Variants in ATF2 observed in about 807,000 individuals in gnomAD.
ATF2 encodes activating transcription factor 2.
ATF2 carries 24 observed loss-of-function variants against 60.6 expected under a neutral mutation model. The observed-to-expected ratio is 0.40, with a 90% CI of 0.29 to 0.56. ATF2 has a LOEUF of 0.56. Ranked by LOEUF, ATF2 falls within the 20% of genes least tolerant of loss-of-function variation. The probability of loss-of-function intolerance (pLI) is 0.54; values close to 1 mark genes in which losing one functional copy is unlikely to be tolerated. For synonymous variants in ATF2, 206 were observed against 215.4 expected, an observed-to-expected ratio of 0.96 and a Z score of 0.38; for missense variants, 433 against 607.7, an observed-to-expected ratio of 0.71 and a Z score of 3.02.
intron 1 of ATF2, among the ~76,000 whole-genome samples, chr2:175,152,947 T>C (rs1445384870): frequency 1.3e-5 from 2 of 152,220 alleles, no homozygotes; most frequent in Admixed American, 6.5e-5. Context: ...TGTTTATTTT[T>C]AAAGTATGGC....
intron 2 of ATF2, among the ~76,000 whole-genome samples, chr2:175,149,828 C>T (rs1392898710): frequency 6.6e-6 from 1 of 152,134 alleles, no homozygotes; most frequent in African/African-American, 2.4e-5. Flanking sequence ...TCATCCATTT[C>T]CCATTCATCC....
At chr2:175,116,444 C>CT (rs1383075081) in intron 7 of ATF2, among the ~76,000 whole-genome samples, 1 of 151,992 alleles carries the variant, frequency 6.6e-6, no homozygotes, top group Admixed American at 6.6e-5. Context: ...ATCAAGGACT[C>CT]TGATTTTGAC....
intron 4 of ATF2, among the ~76,000 whole-genome samples, chr2:175,129,002 C>T (rs1382105487): frequency 1.3e-5 from 2 of 152,062 alleles, no homozygotes; most frequent in African/African-American, 2.4e-5. Context: ...CCCATGTATT[C>T]CTCCAAGAGA....
Position 175,074,477 on chromosome 2 carries a change from G to A in ATF2, c.*132C>T. On this transcript the variant is annotated 3_prime_UTR_variant, in exon 14 of 14. Coordinates refer to ENST00000264110, the MANE Select transcript of ATF2 (RefSeq NM_001880.4). ...CAACTGCTGCTACACCAACTTTAGA[G>A]CCAAATTTAATTTCAAGTAAAAAAA... 1 of 1,190,906 alleles carries A rather than the reference G, an allele frequency of 8.4e-7. No homozygotes were observed. The highest frequency in any genetic ancestry group is 1.1e-6 in the Non-Finnish European group (1 of 872,846). The allele number at this position is 1,190,906 out of a possible 1,614,324, so 73.8% of individuals were successfully genotyped here.
chr2:175,164,996 G>A (rs1388952914), intron 1 of ATF2, among the ~76,000 whole-genome samples: 2 of 152,012 alleles, frequency 1.3e-5, no homozygotes, highest in East Asian at 1.9e-4. Context: ...AGCTGGGATT[G>A]CAGGCGCCTA....
At chr2:175,141,482 C>T (rs939251472) in intron 2 of ATF2, among the ~76,000 whole-genome samples, 4 of 151,998 alleles carry the variant, frequency 2.6e-5, no homozygotes, top group African/African-American at 4.8e-5. Flanking sequence ...AAACTATAAA[C>T]ATATTTTTCT....
At chr2:175,154,967 T>C (rs1699576842) in intron 1 of ATF2, among the ~76,000 whole-genome samples, 1 of 152,054 alleles carries the variant, frequency 6.6e-6, no homozygotes, top group South Asian at 2.1e-4. Flanking sequence ...CAATCCTGGG[T>C]GGTGGAGAGA....
chr2:175,142,238 G>C (rs1357775507), intron 2 of ATF2, among the ~76,000 whole-genome samples: 2 of 149,020 alleles, frequency 1.3e-5, no homozygotes, highest in African/African-American at 5.0e-5. Flanking sequence ...CCAGGCTGGA[G>C]TGCAATGTTG....
chr2:175,117,290 T>C (rs1325367819), intron 7 of ATF2, among the ~76,000 whole-genome samples: 8 of 152,062 alleles, frequency 5.3e-5, no homozygotes. Flanking sequence ...TTTTTCTGTA[T>C]TTCCTTATTT....
At chr2:175,150,461 A>AT (rs555874775) in intron 2 of ATF2, among the ~76,000 whole-genome samples, 75 of 151,778 alleles carry the variant, frequency 4.9e-4, no homozygotes, top group Admixed American at 2.7e-3. Context: ...AGAAAAAAAA[A>AT]TTTTTTTTTA....
rs761194042 is a variant in ATF2, at chr2:175,074,773, T to C, written c.1354A>G (p.Ile452Val). The C allele has an allele frequency of 1.2e-6, 2 of 1,613,588 alleles. No individual in the cohort carries two copies. Among genetic ancestry groups the C allele is most frequent in the Non-Finnish European group, 1.7e-6 (2 of 1,179,702 alleles). Reference protein sequence around the residue: ...SVPSSPHTEAIQHSSVSTSNG... With the variant: ...SVPSSPHTEAVQHSSVSTSNG... Reference sequence around the variant, plus strand: ...GATGTGCTGACCGAACTATGCTGTATAGCTTCTGTATGTGGACTACTCGGC... The same window carrying C: ...GATGTGCTGACCGAACTATGCTGTACAGCTTCTGTATGTGGACTACTCGGC... Residue 452 changes from isoleucine to valine, a missense_variant, in exon 14 of 14, where the codon ATA becomes GTA. Physicochemically the swap from Ile to Val is conservative, Grantham distance 29 (BLOSUM62 3). This residue lies in a region of ATF2 where 114 missense variants were observed against 104.0 expected (regional missense o/e 1.10). Transcript: ENST00000264110.
At chr2:175,117,912 A>G in intron 7 of ATF2, 78 bp downstream of exon 7, 9 of 1,431,782 alleles carry the variant, frequency 6.3e-6, no homozygotes, top group Non-Finnish European at 8.4e-6. Flanking sequence ...ATACATTAAC[A>G]TTTTATGGAG....
intron 2 of ATF2, among the ~76,000 whole-genome samples, chr2:175,148,698 A>G (rs1699109757): frequency 6.6e-6 from 1 of 152,182 alleles, no homozygotes; most frequent in African/African-American, 2.4e-5. Context: ...TTTACAGTCT[A>G]TTCTCTTGCA....
intron 13 of ATF2, 104 bp from the exon 14 acceptor site, chr2:175,074,939 A>C (rs1384498716): frequency 2.6e-6 from 4 of 1,538,354 alleles, no homozygotes; most frequent in Non-Finnish European, 3.5e-6. Context: ...TATCTTACAA[A>C]ACTGATTAGA....
chr2:175,109,107 C>T (rs1221600218), intron 10 of ATF2, among the ~76,000 whole-genome samples: 1 of 150,462 alleles, frequency 6.6e-6, no homozygotes, highest in East Asian at 2.0e-4. Flanking sequence ...GACCTTCCCT[C>T]CACTATTGTC....
intron 10 of ATF2, among the ~76,000 whole-genome samples, chr2:175,097,985 T>C (rs558428748): frequency 9.1e-4 from 139 of 152,336 alleles, no homozygotes; most frequent in Middle Eastern, 6.8e-3. Flanking sequence ...ATTCAGAGCA[T>C]GACAGACCTA....
At position 175,093,043 on chromosome 2, in the gene ATF2, C is replaced by T; in HGVS notation, c.1185+18G>A. 10 of 1,586,826 alleles carry T rather than the reference C, an allele frequency of 6.3e-6. No individual in the cohort carries two copies. The highest frequency in any genetic ancestry group is 1.9e-5 in the Admixed American group (1 of 53,958). On this transcript the variant is annotated intron_variant, in intron 12 of 13. Transcript: ENST00000264110. ...ATTAAAAAAGAAATAAAACAAAATT[C>T]ACATATATGCACCATACCTGCAGCT...
chr2:175,093,361 A>G (rs1372151917), intron 11 of ATF2, 94 bp from the exon 12 acceptor site: 2 of 1,255,440 alleles, frequency 1.6e-6, no homozygotes, highest in Non-Finnish European at 2.2e-6. Flanking sequence ...GAGCAACTGT[A>G]TTTTCTAAGT....
chr2:175,135,702 T>C (rs1698093462), intron 3 of ATF2, among the ~76,000 whole-genome samples: 2 of 152,188 alleles, frequency 1.3e-5, no homozygotes, highest in African/African-American at 2.4e-5. Flanking sequence ...GGATCCTGAT[T>C]TGAACAAAAC....
Sources: allele counts gnomAD v4.1 joint callset (sites outside exome capture counted in the v4.1 genomes callset), GRCh38; gene constraint gnomAD v4.1.1; regional missense constraint gnomAD v4.1.1; transcripts MANE v1.5; gene names NCBI Gene and HGNC (gene_info 2026-07-23, HGNC 2026-07-21).